Variants in PYY observed in about 807,000 individuals in gnomAD.
The protein encoded by PYY is peptide YY, also known as peptide tyrosine tyrosine.
A neutral mutation model predicts 10.3 loss-of-function variants in PYY; 12 were observed. The observed-to-expected ratio is 1.17, with a 90% CI of 0.75 to 1.89. The LOEUF (loss-of-function observed/expected upper bound fraction) is 1.89. PYY is among the 40% of genes most tolerant of loss of function. The pLI, the probability that PYY is intolerant of heterozygous loss-of-function variation, is 0.00. For synonymous variants in PYY, 66 were observed against 62.0 expected (o/e 1.06, Z -0.30); for missense variants, 141 against 134.0 (o/e 1.05, Z -0.26).
chr17:43,961,402 C>A (rs1485895255), intron 2 of PYY, among the ~76,000 whole-genome samples: 1 of 152,120 alleles, frequency 6.6e-6, no homozygotes, highest in African/African-American at 2.4e-5. Flanking sequence ...TACATGTACC[C>A]CTCAATTTAA....
intron 1 of PYY, among the ~76,000 whole-genome samples, chr17:43,976,164 CATGCATATATGTATAT>C (rs1322905595): frequency 2.5e-5 from 3 of 118,034 alleles, no homozygotes; most frequent in African/African-American, 1.2e-4. Context: ...TGTATACATG[CATGCATATATGTATAT>C]ATACGTATAT....
At chr17:43,973,881 G>A (rs1021081275) in intron 1 of PYY, among the ~76,000 whole-genome samples, 24 of 152,124 alleles carry the variant, frequency 1.6e-4, no homozygotes, top group African/African-American at 5.3e-4. Flanking sequence ...GCCTGGTCAC[G>A]AAGGGCCTTC....
At chr17:43,989,224 A>C (rs2048935960) in intron 1 of PYY, among the ~76,000 whole-genome samples, 1 of 152,022 alleles carries the variant, frequency 6.6e-6, no homozygotes, top group East Asian at 2.0e-4. Flanking sequence ...AATACAAAAA[A>C]TTAGCCGGGC....
intron 2 of PYY, among the ~76,000 whole-genome samples, chr17:43,961,217 C>T (rs1455764587): frequency 6.6e-6 from 1 of 151,552 alleles, no homozygotes; most frequent in African/African-American, 2.4e-5. Flanking sequence ...CAGAGCAAAA[C>T]CCCATCTCAA....
intron 1 of PYY, among the ~76,000 whole-genome samples, chr17:43,986,310 T>C (rs1249298079): frequency 2.6e-5 from 4 of 152,306 alleles, no homozygotes; most frequent in East Asian, 3.9e-4. Flanking sequence ...TCTAGGTCTT[T>C]CTTTCCTGAA....
At chr17:43,992,263 T>C (rs1201124276) in intron 1 of PYY, among the ~76,000 whole-genome samples, 1 of 152,102 alleles carries the variant, frequency 6.6e-6, no homozygotes, top group Non-Finnish European at 1.5e-5. Flanking sequence ...ATATATAAAT[T>C]GGATGATAAT....
chr17:43,976,903 C>T (rs2048853018), intron 1 of PYY, among the ~76,000 whole-genome samples: 1 of 152,192 alleles, frequency 6.6e-6, no homozygotes, highest in Non-Finnish European at 1.5e-5. Flanking sequence ...CAGTGCCTGG[C>T]ACAGAAGGGG....
chr17:43,957,596 G>T (rs1441244609), upstream of PYY, among the ~76,000 whole-genome samples: 1 of 151,548 alleles, frequency 6.6e-6, no homozygotes, highest in African/African-American at 2.4e-5. Flanking sequence ...GGCAGAGGTT[G>T]CAGTGAGCCG....
rs148863741 is a variant in PYY at position 43,973,566 on chromosome 17, G to A, written c.-462-7034C>T. On this transcript the variant is annotated intron_variant, in intron 1 of 6. Coordinates refer to the PYY transcript ENST00000360085. ...CCCAGCACTTTGGGAGGCCAAGGTG[G>A]GTGGATCACCTGAAGTCCAGGAGTT... 2.4e-4 allele frequency among the ~76,000 whole-genome samples: 37 copies of A among 152,290 alleles called. 1 individual carries two copies. The East Asian group carries it at 7.1e-3, about 29-fold the overall frequency.
intron 2 of PYY, among the ~76,000 whole-genome samples, chr17:43,959,047 CTTT>C (rs1213687171): frequency 6.6e-6 from 1 of 152,150 alleles, no homozygotes; most frequent in East Asian, 1.9e-4. Context: ...TCACAAGTGT[CTTT>C]AAGTTTAAAG....
intron 1 of PYY, among the ~76,000 whole-genome samples, chr17:43,979,128 GAT>G (rs2048867316): frequency 6.6e-6 from 1 of 152,160 alleles, no homozygotes; most frequent in African/African-American, 2.4e-5. Flanking sequence ...AAAAAAACTT[GAT>G]GTGTTTCCAG....
intron 2 of PYY, among the ~76,000 whole-genome samples, chr17:43,963,594 GAAA>G (rs2048730950): frequency 1.3e-5 from 1 of 79,220 alleles, no homozygotes; most frequent in Non-Finnish European, 2.8e-5. Flanking sequence ...AAGAAAGAAA[GAAA>G]GAAAGAAAGA....
intron 1 of PYY, among the ~76,000 whole-genome samples, chr17:43,988,178 C>G (rs897148521): frequency 6.6e-5 from 10 of 152,196 alleles, no homozygotes; most frequent in African/African-American, 2.2e-4. Flanking sequence ...GCCTCTTCAT[C>G]CTTCCACCAG....
intron 1 of PYY, among the ~76,000 whole-genome samples, chr17:43,995,876 C>T (rs949549454): frequency 1.3e-5 from 2 of 150,764 alleles, no homozygotes; most frequent in African/African-American, 2.4e-5. Flanking sequence ...GGCATGCAGG[C>T]GGCGACAGTG....
chr17:43,968,742 G>T (rs1261151918), intron 1 of PYY, among the ~76,000 whole-genome samples: 1 of 152,118 alleles, frequency 6.6e-6, no homozygotes, highest in Non-Finnish European at 1.5e-5. Flanking sequence ...AACCCAGGAG[G>T]CAGACGTTGC....
At chr17:43,992,746 T>C (rs1234153333) in intron 1 of PYY, among the ~76,000 whole-genome samples, 2 of 151,822 alleles carry the variant, frequency 1.3e-5, no homozygotes, top group Admixed American at 1.3e-4. Context: ...ATTAGTCGGG[T>C]ATGGTGGCAG....
intron 1 of PYY, among the ~76,000 whole-genome samples, chr17:43,983,077 T>C (rs1333167836): frequency 2.0e-5 from 3 of 151,850 alleles, no homozygotes; most frequent in African/African-American, 7.3e-5. Flanking sequence ...ACTAAAAATA[T>C]AAAAATGAGC....
chr17:43,999,009 T>G (rs1027990671), intron 1 of PYY, among the ~76,000 whole-genome samples: 8 of 151,994 alleles, frequency 5.3e-5, no homozygotes, highest in Non-Finnish European at 1.2e-4. Context: ...GTCATAAAAC[T>G]ACACAGGATC....
At chr17:43,985,206 T>C (rs55820868) in intron 1 of PYY, among the ~76,000 whole-genome samples, 1 of 152,158 alleles carries the variant, frequency 6.6e-6, no homozygotes, top group African/African-American at 2.4e-5. Context: ...TTTCATTTTT[T>C]ATTTTTTTAT....
Sources: allele counts gnomAD v4.1 joint callset (sites outside exome capture counted in the v4.1 genomes callset), GRCh38; gene constraint gnomAD v4.1.1; transcripts MANE v1.5; gene names NCBI Gene and HGNC (gene_info 2026-07-23, HGNC 2026-07-21).